Variants in TEAD4 observed in about 807,000 individuals in gnomAD.
The protein encoded by TEAD4 is TEA domain transcription factor 4, also known as transcriptional enhancer factor TEF-3.
TEAD4 carries 36 observed loss-of-function variants against 52.4 expected under a neutral mutation model. The ratio of observed to expected loss-of-function variants is 0.69; its 90% confidence interval spans 0.53 to 0.91. The LOEUF is 0.91. Among genes scored for constraint, TEAD4 ranks in the 40% least tolerant of loss-of-function variants. TEAD4 has a pLI of 0.00. For synonymous variants in TEAD4, 220 were observed against 231.0 expected (o/e 0.95, Z 0.43); for missense variants, 508 against 583.9 (o/e 0.87, Z 1.34).
chr12:3,018,741 TCTA>T (rs1213654671), intron 7 of TEAD4, among the ~76,000 whole-genome samples, 153 bp downstream of exon 7: 1 of 152,100 alleles, frequency 6.6e-6, no homozygotes, highest in Non-Finnish European at 1.5e-5. Flanking sequence ...ATTGGGCTCT[TCTA>T]CTGTCAGCCA....
intron 3 of TEAD4, among the ~76,000 whole-genome samples, chr12:3,009,520 G>A (rs1451943162): frequency 6.6e-6 from 1 of 152,250 alleles, no homozygotes; most frequent in African/African-American, 2.4e-5. Flanking sequence ...AAAGCTCATT[G>A]GTGGAGCTGC....
chr12:3,034,913 G>A (rs1017136529), intron 10 of TEAD4, among the ~76,000 whole-genome samples: 3 of 151,322 alleles, frequency 2.0e-5, no homozygotes, highest in African/African-American at 7.3e-5. Context: ...GGCCGATATG[G>A]TGAAACCCCA....
At chr12:3,002,131 T>G (rs913806252) in intron 3 of TEAD4, among the ~76,000 whole-genome samples, 6 of 152,196 alleles carry the variant, frequency 3.9e-5, no homozygotes, top group Non-Finnish European at 7.4e-5. Flanking sequence ...TCCCCTTTTA[T>G]GTCTGGCTTA....
In TEAD4 at chr12:2,959,608, C is replaced by G. The variant is rs1400918456; in HGVS notation, c.-123+127C>G. ...TTCTTTCCGCCGCCCGCGTTCCCGC[C>G]TTGGACCTCTGCGCTCCGACGCGCT... is the stretch of plus-strand genomic sequence containing the variant. On this transcript the variant is annotated intron_variant, in intron 1 of 12. Transcript: ENST00000359864. The surrounding 1 kb of genome is among the most constrained non-coding windows in gnomAD (Gnocchi z 5.1). 2 of 151,076 alleles carry G rather than the reference C, an allele frequency of 1.3e-5. No individual in the cohort carries two copies. The highest frequency in any genetic ancestry group is 3.0e-5 in the Non-Finnish European group (2 of 67,724). 9.4% of individuals were successfully genotyped at this position (151,076 alleles called of 1,614,324 possible).
Position 3,021,858 on chromosome 12 carries a change from G to C in TEAD4, c.738G>C (p.Leu246=). ...TCTCTCCACAGTACAACAAGCACCTGTTCGTGCACATTGGCCAGTCCAGCC... is the reference window on the plus strand; with the variant it reads ...TCTCTCCACAGTACAACAAGCACCTCTTCGTGCACATTGGCCAGTCCAGCC... Residue 246 remains leucine (L), a synonymous_variant, in exon 10 of 13, where the codon CTG becomes CTC. Transcript: ENST00000359864. 2.5e-6 allele frequency: 4 copies of C among 1,614,178 alleles called. 1 individual carries two copies. Among genetic ancestry groups the C allele is most frequent in the South Asian group, 2.2e-5 (2 of 91,078 alleles).
chr12:2,965,755 A>G (rs561075313), intron 2 of TEAD4, among the ~76,000 whole-genome samples: 1 of 152,198 alleles, frequency 6.6e-6, no homozygotes, highest in African/African-American at 2.4e-5. Context: ...CATGTTAGCC[A>G]GGATGGTCTT....
intron 2 of TEAD4, 159 bp downstream of exon 2, chr12:2,960,199 A>G: frequency 1.4e-6 from 1 of 700,278 alleles, no homozygotes; most frequent in Non-Finnish European, 1.8e-6. Flanking sequence ...AGGGGCGGGT[A>G]AGGGGGGTGG....
At chr12:2,993,176 G>A (rs2098244522) in intron 2 of TEAD4, among the ~76,000 whole-genome samples, 2 of 152,176 alleles carry the variant, frequency 1.3e-5, no homozygotes, top group African/African-American at 2.4e-5. Context: ...GTAGTGTTAC[G>A]TATATTCACA....
intron 9 of TEAD4, among the ~76,000 whole-genome samples, chr12:3,021,280 C>T (rs1436820782): frequency 1.3e-5 from 2 of 151,450 alleles, no homozygotes; most frequent in African/African-American, 4.9e-5. Flanking sequence ...ATGCCAGGGC[C>T]CTTCTCACTC....
At chr12:2,965,418 C>G (rs7977733) in intron 2 of TEAD4, among the ~76,000 whole-genome samples, 83,254 of 151,560 alleles carry the variant, frequency 0.55, 23,618 homozygotes, top group Non-Finnish European at 0.63. Flanking sequence ...CCTTGGCCTC[C>G]CAAAGTGCTA....
At position 2,964,093 on chromosome 12, in the gene TEAD4, C is replaced by T. The variant is rs530554158; in HGVS notation, c.-30+4053C>T. Among the ~76,000 whole-genome samples the T allele has an allele frequency of 3.3e-5, 5 of 152,152 alleles. 1 individual carries two copies. The East Asian group carries it at 9.7e-4, about 29-fold the overall frequency. On this transcript the variant is annotated intron_variant, in intron 2 of 12. Coordinates refer to ENST00000359864, the MANE Select transcript of TEAD4 (RefSeq NM_003213.4). ...AGGGGCTGATGACACATAGGGTGGG[C>T]CTCTGGGGTGGGGCCCTCCTCCAAA...
chr12:2,960,227 G>A, intron 2 of TEAD4, 187 bp downstream of exon 2: 2 of 947,356 alleles, frequency 2.1e-6, no homozygotes, highest in Non-Finnish European at 2.5e-6. Context: ...GGACTTTGGG[G>A]GAAAGGGAGG....
intron 10 of TEAD4, among the ~76,000 whole-genome samples, chr12:3,036,672 G>A (rs1162720277): frequency 6.6e-6 from 1 of 152,184 alleles, no homozygotes; most frequent in Non-Finnish European, 1.5e-5. Flanking sequence ...CTGAGAATAA[G>A]CCTTTGTAAT....
At chr12:2,978,774 G>A (rs1428940000) in intron 2 of TEAD4, among the ~76,000 whole-genome samples, 1 of 152,106 alleles carries the variant, frequency 6.6e-6, no homozygotes, top group Non-Finnish European at 1.5e-5. Context: ...CTCTTCGGCT[G>A]TCTCTATGGA....
chr12:2,981,579 A>G (rs541202510), intron 2 of TEAD4, among the ~76,000 whole-genome samples: 353 of 152,300 alleles, frequency 2.3e-3, no homozygotes, highest in African/African-American at 8.0e-3. Flanking sequence ...ATGTCTGTCT[A>G]GTCTCCCATC....
At chr12:2,990,150 T>C (rs1477320400) in intron 2 of TEAD4, among the ~76,000 whole-genome samples, 6 of 152,324 alleles carry the variant, frequency 3.9e-5, no homozygotes, top group African/African-American at 1.4e-4. Flanking sequence ...CATTGGGTTT[T>C]TAATTTCAGT....
intron 10 of TEAD4, among the ~76,000 whole-genome samples, chr12:3,027,881 A>G (rs188364730): frequency 6.6e-5 from 10 of 152,292 alleles, no homozygotes; most frequent in Non-Finnish European, 2.9e-5. Flanking sequence ...AATAAAGTAT[A>G]CAATTCCGAG....
At chr12:2,971,898 C>T (rs549596406) in intron 2 of TEAD4, among the ~76,000 whole-genome samples, 4 of 140,734 alleles carry the variant, frequency 2.8e-5, no homozygotes, top group East Asian at 2.0e-4. Context: ...CTGCAACCTC[C>T]GCCTCCCGGG....
chr12:2,964,782 T>C (rs1565519626), intron 2 of TEAD4, among the ~76,000 whole-genome samples: 2 of 152,016 alleles, frequency 1.3e-5, no homozygotes, highest in Non-Finnish European at 2.9e-5. Flanking sequence ...CCATGGGGGA[T>C]TTCTTTAGCC....
Sources: allele counts gnomAD v4.1 joint callset (sites outside exome capture counted in the v4.1 genomes callset), GRCh38; gene constraint gnomAD v4.1.1; non-coding constraint Gnocchi (gnomAD v3.1); transcripts MANE v1.5; gene names NCBI Gene and HGNC (gene_info 2026-07-23, HGNC 2026-07-21).